TF: variants seen among roughly 807,000 people sequenced by gnomAD.
The protein encoded by TF is transferrin, also known as serotransferrin.
In TF, 55 loss-of-function variants were observed where a neutral mutation model predicts 82.4. The observed-to-expected ratio is 0.67, with a 90% CI of 0.54 to 0.84. The LOEUF (loss-of-function observed/expected upper bound fraction) is 0.84, where lower values mean the gene tolerates loss of function less well. Among genes scored for constraint, TF ranks in the 40% least tolerant of loss-of-function variants. The pLI, the probability that TF is intolerant of heterozygous loss-of-function variation, is 0.00. For missense variants in TF, 737 were observed against 868.4 expected (o/e 0.85, Z 1.90); for synonymous variants, 332 against 332.6 (o/e 1.00, Z 0.02).
the TF span, among the ~76,000 whole-genome samples, chr3:133,724,341 C>T: frequency 6.5e-3 from 995 of 152,218 alleles, 10 homozygotes; most frequent in African/African-American, 0.023. Context: ...TTTTAATGAT[C>T]ACCATTCTAA....
the TF span, among the ~76,000 whole-genome samples, chr3:133,671,341 A>G: frequency 6.6e-6 from 1 of 152,356 alleles, no homozygotes; most frequent in South Asian, 2.1e-4. Flanking sequence ...AAATCACAAT[A>G]AAATTAGAAT....
the TF span, among the ~76,000 whole-genome samples, chr3:133,687,154 T>C: frequency 6.6e-6 from 1 of 151,882 alleles, no homozygotes; most frequent in South Asian, 2.1e-4. Context: ...ATGAGAACAC[T>C]TGGACACAGG....
the TF span, among the ~76,000 whole-genome samples, chr3:133,721,226 T>C: frequency 6.6e-6 from 1 of 152,176 alleles, no homozygotes; most frequent in Non-Finnish European, 1.5e-5. Context: ...TAGATGTTTA[T>C]TGCTAAAAAT....
the TF span, among the ~76,000 whole-genome samples, chr3:133,676,541 C>T: frequency 6.6e-6 from 1 of 152,052 alleles, no homozygotes; most frequent in Non-Finnish European, 1.5e-5. Flanking sequence ...TAAATAATTT[C>T]TGGGGTAGGG....
At chr3:133,674,592 G>T in the TF span, among the ~76,000 whole-genome samples, 1 of 152,190 alleles carries the variant, frequency 6.6e-6, no homozygotes, top group Non-Finnish European at 1.5e-5. Context: ...ACGCGCGCCA[G>T]CCACGGAGAA....
intron 5 of TF, chr3:133,755,796 G>A (rs1204399683): frequency 2.0e-6 from 1 of 497,218 alleles, no homozygotes; most frequent in Non-Finnish European, 3.7e-6. Flanking sequence ...GGACAATCAT[G>A]CCTCTAGTGT....
At chr3:133,664,556 G>C in the TF span, among the ~76,000 whole-genome samples, 1 of 152,024 alleles carries the variant, frequency 6.6e-6, no homozygotes, top group South Asian at 2.1e-4. Context: ...TCCTGACCTC[G>C]TGATCCACCT....
chr3:133,774,151 C>G (rs1479415237), intron 14 of TF: 2 of 151,980 alleles, frequency 1.3e-5, no homozygotes, highest in African/African-American at 4.8e-5. Context: ...GTTATTTTCC[C>G]CTCCAATAAG....
the TF span, among the ~76,000 whole-genome samples, chr3:133,715,073 C>T: frequency 6.6e-6 from 1 of 152,112 alleles, no homozygotes; most frequent in Non-Finnish European, 1.5e-5. Context: ...TTTTTTCCAT[C>T]CTTTCTGAGC....
intron 2 of TF, among the ~76,000 whole-genome samples, chr3:133,750,915 T>C (rs1329559174): frequency 2.6e-5 from 4 of 152,202 alleles, no homozygotes; most frequent in African/African-American, 9.7e-5. Context: ...ATGTGAGGAC[T>C]GGGGAAGGGA....
chr3:133,756,282 G>T lies in TF; in HGVS notation c.636G>T (p.Lys212Asn), dbSNP rs774303127. 7 of 1,614,054 alleles carry T rather than the reference G, an allele frequency of 4.3e-6. No individual in the cohort carries two copies. The highest frequency in any genetic ancestry group is 5.9e-6 in the Non-Finnish European group (7 of 1,180,004). ...NQYFGYSGAF[K>N]CLKDGAGDVA... ...CTGCTGATGTGTTTCTTTGACCCAG[G>T]TGTCTGAAGGATGGTGCTGGGGATG... Residue 212 changes from lysine (K) to asparagine (N), a missense_variant and splice_region_variant, in exon 6 of 17, where the codon AAG becomes AAT. Physicochemically the swap from Lys to Asn is moderately conservative, Grantham distance 94. Coordinates refer to ENST00000402696, the MANE Select transcript of TF (RefSeq NM_001063.4).
At chr3:133,749,857 ATT>A (rs1258827001) in intron 2 of TF, among the ~76,000 whole-genome samples, 1 of 152,146 alleles carries the variant, frequency 6.6e-6, no homozygotes, top group African/African-American at 2.4e-5. Context: ...TGATGTGAGC[ATT>A]TTAAAGGGAG....
chr3:133,705,647 A>T, the TF span, among the ~76,000 whole-genome samples: 1 of 152,182 alleles, frequency 6.6e-6, no homozygotes, highest in Non-Finnish European at 1.5e-5. Flanking sequence ...ATTATTATTG[A>T]CTATTGAGAT....
At chr3:133,669,069 C>G in the TF span, among the ~76,000 whole-genome samples, 3 of 152,026 alleles carry the variant, frequency 2.0e-5, no homozygotes, top group Non-Finnish European at 2.9e-5. Context: ...GGCGCGATCT[C>G]AGTTCACTGC....
Position 133,748,531 on chromosome 3 carries a change from A to G in TF, c.163A>G (p.Ser55Gly), listed in dbSNP as rs1933570659. The change falls in exon 2 of 17, where the codon AGT (serine) becomes GGT (glycine). Residue 55 changes from serine to glycine, a missense_variant. By Grantham distance (56) the Ser-to-Gly change is moderately conservative. Coordinates refer to ENST00000402696, the MANE Select transcript of TF (RefSeq NM_001063.4). ...AAGCGTCATTCCATCCGATGGTCCC[A>G]GTGTTGCTTGTGTGAAGAAAGCCTC... ...MKSVIPSDGP[S>G]VACVKKASYL... 1 of 1,614,096 alleles carries G rather than the reference A, an allele frequency of 6.2e-7. No individual in the cohort carries two copies. Among genetic ancestry groups the G allele is most frequent in the Non-Finnish European group, 8.5e-7 (1 of 1,180,018 alleles).
the TF span, among the ~76,000 whole-genome samples, chr3:133,726,723 A>T: frequency 8.5e-5 from 13 of 152,096 alleles, no homozygotes; most frequent in African/African-American, 2.4e-4. Context: ...TTGCTCTTGC[A>T]TTTCTAGTTG....
intron 10 of TF, among the ~76,000 whole-genome samples, chr3:133,764,671 C>T (rs755709081): frequency 3.3e-5 from 5 of 152,302 alleles, no homozygotes; most frequent in South Asian, 2.1e-4. Flanking sequence ...ACTTGACATT[C>T]GCAGTTTGTG....
intron 16 of TF, 133 bp from the exon 17 acceptor site, chr3:133,778,453 C>T (rs931232353): frequency 6.2e-5 from 56 of 898,328 alleles, no homozygotes; most frequent in Middle Eastern, 2.2e-4. Flanking sequence ...ACTGGGAGAA[C>T]GGCCCAGTTC....
the TF span, among the ~76,000 whole-genome samples, chr3:133,675,340 A>C: frequency 2.6e-5 from 4 of 152,324 alleles, no homozygotes; most frequent in Admixed American, 6.5e-5. Flanking sequence ...AGTGTCCATA[A>C]ATAAAATTTT....
Sources: allele counts gnomAD v4.1 joint callset (sites outside exome capture counted in the v4.1 genomes callset), GRCh38; gene constraint gnomAD v4.1.1; transcripts MANE v1.5; gene names NCBI Gene and HGNC (gene_info 2026-07-23, HGNC 2026-07-21).